Variants in CNBD1 observed in about 807,000 individuals in gnomAD.
CNBD1 encodes cyclic nucleotide-binding domain-containing protein 1.
In CNBD1, 71 loss-of-function variants were observed where a neutral mutation model predicts 54.4. The ratio of observed to expected loss-of-function variants is 1.30; its 90% CI spans 1.08 to 1.59. The LOEUF (loss-of-function observed/expected upper bound fraction) is 1.59. CNBD1 is among the 40% of genes most tolerant of loss of function. The pLI is 0.00. For synonymous variants in CNBD1, 182 were observed against 170.7 expected (o/e 1.07, Z -0.51); for missense variants, 659 against 518.0 (o/e 1.27, Z -2.64).
chr8:87,188,029 C>T (rs1024256009), intron 4 of CNBD1, among the ~76,000 whole-genome samples: 4 of 152,170 alleles, frequency 2.6e-5, no homozygotes, highest in Non-Finnish European at 4.4e-5. Flanking sequence ...TCATTGCTCT[C>T]TCTGCTCCAA....
At chr8:86,959,202 T>C (rs2130465343) in intron 4 of CNBD1, among the ~76,000 whole-genome samples, 1 of 152,350 alleles carries the variant, frequency 6.6e-6, no homozygotes, top group Non-Finnish European at 1.5e-5. Flanking sequence ...CTTGTACAGT[T>C]TCTGCCAAGA....
At chr8:87,030,159 CAG>C (rs1809749938) in intron 4 of CNBD1, among the ~76,000 whole-genome samples, 2 of 152,010 alleles carry the variant, frequency 1.3e-5, no homozygotes, top group Non-Finnish European at 2.9e-5. Context: ...TTTTTTAAAG[CAG>C]CTTGGTAACT....
chr8:87,364,376 A>G (rs1256844641), intron 10 of CNBD1, among the ~76,000 whole-genome samples: 1 of 151,794 alleles, frequency 6.6e-6, no homozygotes, highest in Non-Finnish European at 1.5e-5. Context: ...AGAAGAAGTT[A>G]ATGTTTTTGC....
chr8:86,932,642 T>G (rs13258790), intron 3 of CNBD1, among the ~76,000 whole-genome samples: 80,941 of 151,890 alleles, frequency 0.53, 21,792 homozygotes, highest in South Asian at 0.61. Flanking sequence ...ATACTTCCCT[T>G]AGGTGGCCAT....
At chr8:87,132,431 G>A (rs988376840) in intron 4 of CNBD1, among the ~76,000 whole-genome samples, 13 of 151,030 alleles carry the variant, frequency 8.6e-5, no homozygotes, top group African/African-American at 3.1e-4. Flanking sequence ...TTATAAGACA[G>A]AGAAAAGAAA....
intron 1 of CNBD1, among the ~76,000 whole-genome samples, chr8:86,880,924 C>A (rs924903220): frequency 3.9e-5 from 6 of 152,124 alleles, no homozygotes; most frequent in Non-Finnish European, 8.8e-5. Flanking sequence ...AAGACAAAAA[C>A]CACATGATTA....
rs1447795044 is a variant in CNBD1, at chr8:87,255,998, T to C, written c.771+18886T>C. Among the ~76,000 whole-genome samples, 10 of 15,790 alleles carry C rather than the reference T, an allele frequency of 6.3e-4. 1 individual carries two copies. The Admixed American group carries it at 6.4e-3, about 10-fold the overall frequency. The allele number at this position is 15,790 out of a possible 152,430, so 10.4% of individuals were successfully genotyped here. A position where few individuals can be genotyped will look rare whatever the true frequency, so the allele number is the denominator to read the frequency against. On this transcript the variant is annotated intron_variant, in intron 6 of 10. Transcript: ENST00000518476. ...ATATATATATATATATATATATATATATATATATATATATATATTTTTTTT... is the reference window on the plus strand; with the variant it reads ...ATATATATATATATATATATATATACATATATATATATATATATTTTTTTT...
chr8:86,951,389 G>A lies in CNBD1; in HGVS notation c.431+11635G>A, dbSNP rs117180113. Among the ~76,000 whole-genome samples, 1,064 of 151,494 alleles carry A rather than the reference G, an allele frequency of 7.0e-3. 15 individuals are homozygous for A. The highest frequency in any genetic ancestry group is 0.037 in the East Asian group (188 of 5,104). ...AGATCACCTGAGGTTAGGAGCTTAA[G>A]ACCAGCCTGGCCCACGTGGTGAAAC... On this transcript the variant is annotated intron_variant, in intron 4 of 10. Coordinates refer to ENST00000518476, the MANE Select transcript of CNBD1 (RefSeq NM_173538.3).
intron 4 of CNBD1, among the ~76,000 whole-genome samples, chr8:87,080,668 G>T (rs916754896): frequency 6.6e-6 from 1 of 151,860 alleles, no homozygotes; most frequent in Non-Finnish European, 1.5e-5. Context: ...TGTAGACTTT[G>T]CCAGTGTTGT....
At chr8:87,359,117 A>T (rs1268844877) in intron 10 of CNBD1, among the ~76,000 whole-genome samples, 1 of 152,158 alleles carries the variant, frequency 6.6e-6, no homozygotes, top group Non-Finnish European at 1.5e-5. Context: ...CACATACAAA[A>T]GTGTTTCTTT....
chr8:87,227,755 T>A (rs1486384606), intron 5 of CNBD1, among the ~76,000 whole-genome samples: 1 of 149,786 alleles, frequency 6.7e-6, no homozygotes, highest in Non-Finnish European at 1.5e-5. Context: ...CTTTGTGGCG[T>A]TCTCTGTATT....
intron 4 of CNBD1, among the ~76,000 whole-genome samples, chr8:87,025,600 G>C (rs1430066241): frequency 6.6e-6 from 1 of 150,592 alleles, no homozygotes; most frequent in Non-Finnish European, 1.5e-5. Flanking sequence ...TATGCCACCT[G>C]TAAGAGCTGT....
At chr8:87,332,837 G>A (rs1442142903) in intron 8 of CNBD1, among the ~76,000 whole-genome samples, 2 of 152,088 alleles carry the variant, frequency 1.3e-5, no homozygotes, top group Non-Finnish European at 2.9e-5. Flanking sequence ...TTTTGCTTAG[G>A]ATTGCCTTTG....
intron 1 of CNBD1, among the ~76,000 whole-genome samples, chr8:86,880,343 A>AAAAT (rs1485419012): frequency 6.6e-6 from 1 of 151,990 alleles, no homozygotes; most frequent in African/African-American, 2.4e-5. Context: ...GAAAAAATAA[A>AAAAT]AAAAAACGTA....
intron 4 of CNBD1, among the ~76,000 whole-genome samples, chr8:87,087,453 G>T (rs1811122743): frequency 6.7e-6 from 1 of 149,240 alleles, no homozygotes; most frequent in Admixed American, 6.7e-5. Context: ...TTCCTCTATT[G>T]AAGTACATTC....
intron 2 of CNBD1, among the ~76,000 whole-genome samples, chr8:87,414,569 A>G (rs1307568001): frequency 6.6e-6 from 1 of 151,932 alleles, no homozygotes; most frequent in East Asian, 1.9e-4. Flanking sequence ...ATGTGGGTGG[A>G]AGGTTAAGAA....
chr8:87,370,062 AT>A (rs1252309298), intron 10 of CNBD1, among the ~76,000 whole-genome samples: 1 of 151,800 alleles, frequency 6.6e-6, no homozygotes, highest in Non-Finnish European at 1.5e-5. Flanking sequence ...TGAACTCATC[AT>A]TTTTTATGGC....
intron 2 of CNBD1, among the ~76,000 whole-genome samples, chr8:87,420,995 G>C (rs897721542): frequency 6.6e-6 from 1 of 151,936 alleles, no homozygotes; most frequent in Non-Finnish European, 1.5e-5. Flanking sequence ...GGTTGGGAAA[G>C]ATAAAATCAA....
In CNBD1 at chr8:87,196,056, C is replaced by G. The variant is rs182216051; in HGVS notation, c.432-9937C>G. 6.6e-5 allele frequency among the ~76,000 whole-genome samples: 10 copies of G among 152,140 alleles called. 1 individual carries two copies. Among genetic ancestry groups the G allele is most frequent in the Admixed American group, 5.9e-4 (9 of 15,278 alleles). ...TTTGAGCATATTCAAATCAGTTATTCCCCTACCCACTGCCACAGGACATAA... is the reference window on the plus strand; with the variant it reads ...TTTGAGCATATTCAAATCAGTTATTGCCCTACCCACTGCCACAGGACATAA... On this transcript the variant is annotated intron_variant, in intron 4 of 10. Coordinates refer to ENST00000518476, the MANE Select transcript of CNBD1 (RefSeq NM_173538.3).
Sources: gnomAD v4.1 joint callset for allele counts (sites outside exome capture counted in the v4.1 genomes callset) on GRCh38, gnomAD v4.1.1 for gene constraint, MANE v1.5 for transcripts, NCBI Gene and HGNC (gene_info 2026-07-23, HGNC 2026-07-21) for gene names.